VTI1A: variants seen among roughly 807,000 people sequenced by gnomAD.
VTI1A encodes the protein vesicle transport through interaction with t-SNAREs homolog 1A.
VTI1A carries 22 observed loss-of-function variants against 34.9 expected under a neutral mutation model. The ratio of observed to expected loss-of-function variants is 0.63; its 90% confidence interval spans 0.45 to 0.90. The LOEUF (loss-of-function observed/expected upper bound fraction) is 0.90, where lower values mean the gene tolerates loss of function less well. Ranked by LOEUF, VTI1A falls within the 40% of genes least tolerant of loss-of-function variation. VTI1A has a pLI of 0.00. For missense variants in VTI1A, 268 were observed against 275.6 expected (o/e 0.97, Z 0.20); for synonymous variants, 87 against 97.3 (o/e 0.89, Z 0.62).
chr10:112,695,386 G>C (rs1257896796), intron 7 of VTI1A, among the ~76,000 whole-genome samples: 1 of 151,634 alleles, frequency 6.6e-6, no homozygotes, highest in Non-Finnish European at 1.5e-5. Context: ...TTTTTTTTAA[G>C]GGTAAGGTAT....
intron 5 of VTI1A, among the ~76,000 whole-genome samples, chr10:112,572,085 C>G (rs1196375453): frequency 6.6e-6 from 1 of 152,096 alleles, no homozygotes; most frequent in East Asian, 1.9e-4. Flanking sequence ...TGGCATCACA[C>G]CATATACTAA....
intron 7 of VTI1A, among the ~76,000 whole-genome samples, chr10:112,670,375 G>A (rs1307138501): frequency 6.6e-6 from 1 of 152,130 alleles, no homozygotes; most frequent in Non-Finnish European, 1.5e-5. Context: ...TCATATTAAT[G>A]TTAAAGTTCA....
chr10:112,764,872 C>G (rs376607869), intron 7 of VTI1A, among the ~76,000 whole-genome samples: 2 of 151,908 alleles, frequency 1.3e-5, no homozygotes, highest in East Asian at 3.9e-4. Flanking sequence ...TAATTTATAC[C>G]CTTGTACATA....
intron 3 of VTI1A, among the ~76,000 whole-genome samples, chr10:112,502,101 C>T (rs1849264407): frequency 6.7e-6 from 1 of 148,726 alleles, no homozygotes; most frequent in Non-Finnish European, 1.5e-5. Flanking sequence ...GGTCACGGCT[C>T]ACTGCAGCCT....
At chr10:112,689,610 G>A (rs1477859290) in intron 7 of VTI1A, among the ~76,000 whole-genome samples, 1 of 152,168 alleles carries the variant, frequency 6.6e-6, no homozygotes, top group Non-Finnish European at 1.5e-5. Context: ...CCCTGGGGAG[G>A]ATGATGGATG....
At chr10:112,492,386 T>C (rs1181214932) in intron 3 of VTI1A, among the ~76,000 whole-genome samples, 1 of 152,232 alleles carries the variant, frequency 6.6e-6, no homozygotes, top group Non-Finnish European at 1.5e-5. Flanking sequence ...TCAGAAATTC[T>C]GCGCGGTATA....
At chr10:112,649,162 G>A (rs1404020733) in intron 5 of VTI1A, among the ~76,000 whole-genome samples, 3 of 152,214 alleles carry the variant, frequency 2.0e-5, no homozygotes, top group Middle Eastern at 3.4e-3. Context: ...GAATTATACA[G>A]CATTCACAGG....
intron 5 of VTI1A, among the ~76,000 whole-genome samples, chr10:112,626,878 C>A (rs938739334): frequency 3.3e-5 from 5 of 152,186 alleles, no homozygotes; most frequent in Non-Finnish European, 7.3e-5. Context: ...GCCACAAAGC[C>A]TGCATCATAA....
intron 5 of VTI1A, among the ~76,000 whole-genome samples, chr10:112,653,621 G>C (rs917859531): frequency 6.6e-6 from 1 of 152,166 alleles, no homozygotes; most frequent in Non-Finnish European, 1.5e-5. Flanking sequence ...TGGTTGTGAA[G>C]ATTAAATACG....
At chr10:112,727,455 G>A (rs1377493088) in intron 7 of VTI1A, among the ~76,000 whole-genome samples, 4 of 151,736 alleles carry the variant, frequency 2.6e-5, no homozygotes, top group Admixed American at 6.6e-5. Context: ...ATAATTCCTA[G>A]GAAGTTGAAG....
chr10:112,546,649 C>T (rs1851141215), intron 5 of VTI1A, among the ~76,000 whole-genome samples: 1 of 151,772 alleles, frequency 6.6e-6, no homozygotes, highest in Non-Finnish European at 1.5e-5. Flanking sequence ...CATTTTATCT[C>T]TATATTTAAC....
intron 5 of VTI1A, among the ~76,000 whole-genome samples, chr10:112,606,607 G>A (rs962876741): frequency 3.9e-5 from 6 of 152,256 alleles, no homozygotes; most frequent in African/African-American, 1.4e-4. Flanking sequence ...CTATAGATTT[G>A]TTGTTCTTTT....
At position 112,547,822 on chromosome 10, in the gene VTI1A, G is replaced by A. The variant is rs143669101; in HGVS notation, c.427+9492G>A. Among the ~76,000 whole-genome samples the A allele has an allele frequency of 5.2e-3, 789 of 152,136 alleles. 10 individuals are homozygous for A. The highest frequency in any genetic ancestry group is 0.017 in the African/African-American group (721 of 41,514). On this transcript the variant is annotated intron_variant, in intron 5 of 7. Coordinates refer to ENST00000393077, the MANE Select transcript of VTI1A (RefSeq NM_145206.4). ...CGTTTTAATGAGAATTAGATAATTC[G>A]TGTACACCACTTTGTTTGTTTTTGT...
intron 7 of VTI1A, among the ~76,000 whole-genome samples, chr10:112,681,653 GC>G (rs1345861827): frequency 6.6e-6 from 1 of 152,064 alleles, no homozygotes; most frequent in Non-Finnish European, 1.5e-5. Flanking sequence ...CACTGGTTGT[GC>G]CCCAGTTTTA....
chr10:112,846,005 G>A, the VTI1A span, among the ~76,000 whole-genome samples: 71 of 152,240 alleles, frequency 4.7e-4, no homozygotes, highest in East Asian at 1.5e-3. Context: ...GTGACAGAGC[G>A]AGGCTCTGTC....
chr10:112,666,498 C>G (rs1452000292), intron 5 of VTI1A, among the ~76,000 whole-genome samples: 1 of 152,106 alleles, frequency 6.6e-6, no homozygotes, highest in African/African-American at 2.4e-5. Context: ...TCCATGAGTG[C>G]AAACACTTGA....
At chr10:112,779,455 T>C (rs2134034995) in intron 7 of VTI1A, among the ~76,000 whole-genome samples, 1 of 152,336 alleles carries the variant, frequency 6.6e-6, no homozygotes, top group Non-Finnish European at 1.5e-5. Flanking sequence ...GTTGTGAACA[T>C]ATCTACATAA....
At chr10:112,645,682 A>T (rs1846746409) in intron 5 of VTI1A, among the ~76,000 whole-genome samples, 1 of 152,206 alleles carries the variant, frequency 6.6e-6, no homozygotes, top group African/African-American at 2.4e-5. Context: ...TCCTGAGTGG[A>T]ATAAATAACT....
intron 7 of VTI1A, among the ~76,000 whole-genome samples, chr10:112,702,090 T>G (rs933610568): frequency 1.3e-5 from 2 of 152,094 alleles, no homozygotes; most frequent in Non-Finnish European, 2.9e-5. Context: ...AAGGCCTCCT[T>G]GTGTAGGTGG....
Sources: gnomAD v4.1 joint callset for allele counts (sites outside exome capture counted in the v4.1 genomes callset) on GRCh38, gnomAD v4.1.1 for gene constraint, MANE v1.5 for transcripts, NCBI Gene and HGNC (gene_info 2026-07-23, HGNC 2026-07-21) for gene names.